The following PCM1 variants were observed in gnomAD, a reference collection of about 807,000 sequenced individuals.
PCM1 encodes pericentriolar material 1.
Under a neutral mutation model 241.9 loss-of-function variants are expected in PCM1, and 157 were observed. The observed-to-expected ratio is 0.65, with a 90% CI of 0.57 to 0.74. The LOEUF is 0.74. PCM1 is among the 30% of genes least tolerant of loss of function. The pLI is 0.00. For synonymous variants in PCM1, 1,085 were observed against 784.9 expected, an observed-to-expected ratio of 1.38 and a Z score of -6.39; for missense variants, 3,478 against 2,360.1, an observed-to-expected ratio of 1.47 and a Z score of -9.81.
At chr8:17,926,526 C>G (rs1048498368) in intron 2 of PCM1, 1 of 152,142 alleles carries the variant, frequency 6.6e-6, no homozygotes. Context: ...TGTAGTATAT[C>G]TTAATAGTGA....
At chr8:17,995,458 T>C (rs950195905) in intron 29 of PCM1, among the ~76,000 whole-genome samples, 1 of 151,468 alleles carries the variant, frequency 6.6e-6, no homozygotes, top group Non-Finnish European at 1.5e-5. Context: ...CACGCTGTTT[T>C]GGTTACTATA....
At chr8:17,935,769 C>T in intron 3 of PCM1, 63 bp downstream of exon 3, 3 of 801,410 alleles carry the variant, frequency 3.7e-6, no homozygotes, top group Non-Finnish European at 6.5e-6. Context: ...AGTTTTCCCC[C>T]TGACCAAATT....
At position 17,966,402 on chromosome 8, in the gene PCM1, A is replaced by C; in HGVS notation, c.3150A>C (p.Gln1050His). 1 of 1,613,652 alleles carries C rather than the reference A, an allele frequency of 6.2e-7. No homozygotes were observed. The highest frequency in any genetic ancestry group is 8.5e-7 in the Non-Finnish European group (1 of 1,179,594). The change falls in exon 20 of 39, where the codon CAA (glutamine) becomes CAC (histidine). Residue 1050 changes from glutamine to histidine, a missense_variant. Physicochemically the swap from Gln to His is conservative, Grantham distance 24. Coordinates refer to ENST00000325083, the MANE Select transcript of PCM1 (RefSeq NM_006197.4). ...SVMPSNVASP[Q>H]VHFIMHQLNQ... is the part of the protein sequence containing the mutation. ...TGCCCAGCAATGTTGCATCTCCTCA[A>C]GTACACTTCATAATGCACCAGTTGA...
intron 7 of PCM1, among the ~76,000 whole-genome samples, chr8:17,948,220 C>G (rs1482015242): frequency 6.6e-6 from 1 of 151,626 alleles, no homozygotes; most frequent in African/African-American, 2.4e-5. Context: ...CCCACTGGCT[C>G]ACCTGTCTAA....
chr8:17,932,762 A>G (rs71526171), intron 2 of PCM1, among the ~76,000 whole-genome samples: 37 of 152,056 alleles, frequency 2.4e-4, no homozygotes, highest in Non-Finnish European at 4.6e-4. Context: ...CTGTTTTTAA[A>G]AACCATTCAA....
At chr8:18,008,836 C>G (rs2091978808) in intron 30 of PCM1, among the ~76,000 whole-genome samples, 2 of 152,136 alleles carry the variant, frequency 1.3e-5, no homozygotes, top group African/African-American at 4.8e-5. Flanking sequence ...AGAACAAGAA[C>G]AGTGAGGAAA....
chr8:17,945,412 A>G (rs992081869), intron 6 of PCM1, among the ~76,000 whole-genome samples: 2 of 152,150 alleles, frequency 1.3e-5, no homozygotes, highest in African/African-American at 2.4e-5. Flanking sequence ...CAGGTAGGCT[A>G]TTTGTTTCCC....
intron 29 of PCM1, among the ~76,000 whole-genome samples, chr8:18,005,792 C>T (rs2091128468): frequency 6.6e-6 from 1 of 151,716 alleles, no homozygotes; most frequent in Non-Finnish European, 1.5e-5. Context: ...GGGTAGAGGC[C>T]AGGATGATGC....
chr8:18,009,644 T>G lies in PCM1; in HGVS notation c.5060T>G (p.Phe1687Cys). Reference sequence around the variant, plus strand: ...GTGTTGTTCAATGAATTGGCTTTCTTTAAGCTTATGCAAGATTTGGATAAT... The same window carrying G: ...GTGTTGTTCAATGAATTGGCTTTCTGTAAGCTTATGCAAGATTTGGATAAT... ...SEVLFNELAF[F>C]KLMQDLDNNS... The change falls in exon 31 of 39, where the codon TTT becomes TGT. Residue 1687 changes from phenylalanine to cysteine, a missense_variant. Transcript: ENST00000325083. 1 of 1,588,456 alleles carries G rather than the reference T, an allele frequency of 6.3e-7. No individual in the cohort carries two copies. Among genetic ancestry groups the G allele is most frequent in the Non-Finnish European group, 8.6e-7 (1 of 1,167,588 alleles).
At chr8:18,012,887 A>G (rs902058679) in intron 34 of PCM1, among the ~76,000 whole-genome samples, 3 of 151,962 alleles carry the variant, frequency 2.0e-5, no homozygotes, top group African/African-American at 7.3e-5. Context: ...ACTTCTGAAC[A>G]CTTTCTTTTT....
chr8:17,993,524 A>T lies in PCM1; in HGVS notation c.4732A>T (p.Ser1578Cys). Residue 1578 changes from serine (S) to cysteine (C), a missense_variant, in exon 29 of 39, where the codon AGT becomes TGT. Transcript: ENST00000325083. ...IENRSSQQPV[S>C]EVSTIPCPRI... ...AAATCGTAGTTCACAACAACCTGTA[A>T]GTGAAGTTTCTACCATCCCATGTCC... is the stretch of plus-strand genomic sequence containing the variant. 3 of 1,588,014 alleles carry T rather than the reference A, an allele frequency of 1.9e-6. No individual in the cohort carries two copies. The highest frequency in any genetic ancestry group is 2.3e-5 in the South Asian group (2 of 85,782).
At chr8:17,944,111 A>G (rs2063054515) in intron 6 of PCM1, among the ~76,000 whole-genome samples, 1 of 152,164 alleles carries the variant, frequency 6.6e-6, no homozygotes, top group Non-Finnish European at 1.5e-5. Context: ...AAAATTTATA[A>G]GCTTTCTTTG....
At chr8:17,968,816 C>T (rs981595369) in intron 21 of PCM1, among the ~76,000 whole-genome samples, 3 of 149,358 alleles carry the variant, frequency 2.0e-5, no homozygotes, top group African/African-American at 5.0e-5. Context: ...ATTTTCAAGA[C>T]AGTGGCATAA....
In PCM1 at chr8:17,993,473, TA is replaced by T; in HGVS notation, c.4691-5del. The T allele has an allele frequency of 5.2e-6, 8 of 1,540,450 alleles. No individual in the cohort carries two copies. The highest frequency in any genetic ancestry group is 7.0e-6 in the Non-Finnish European group (8 of 1,144,182). On this transcript the variant is annotated splice_polypyrimidine_tract_variant and intron_variant, in intron 28 of 38. Transcript: ENST00000325083. ...TTGTTAGGCTAATGTATTTTCTTTT[TA>T]AAAATTAGAAACTCCCGTTATTGAA...
chr8:18,006,067 C>A, intron 29 of PCM1, 196 bp from the exon 30 acceptor site: 1 of 462,712 alleles, frequency 2.2e-6, no homozygotes, highest in Non-Finnish European at 3.8e-6. Context: ...GTCAAAATTG[C>A]CAAACCTCTC....
intron 13 of PCM1, 34 bp from the exon 14 acceptor site, chr8:17,959,980 T>A (rs765676948): frequency 2.5e-6 from 4 of 1,600,006 alleles, no homozygotes; most frequent in Non-Finnish European, 3.4e-6. Context: ...TCTTGAGGTA[T>A]CAAGATTGTT....
chr8:17,941,401 CTG>C (rs1289789846), intron 6 of PCM1, among the ~76,000 whole-genome samples: 7 of 152,030 alleles, frequency 4.6e-5, no homozygotes, highest in South Asian at 2.1e-4. Context: ...GCTTTAACAA[CTG>C]TGTGGTATGG....
rs1203146590 is a variant in PCM1 at position 17,957,618 on chromosome 8, C to T, written c.1883C>T (p.Ala628Val). ...GATGATGAGGAGGAGGAGGAAGAAG[C>T]AGAAGAGGAGGGAGTCAGTGGAGCT... Reference protein sequence around the residue: ...GEDDEEEEEEAEEEGVSGASL... With the variant: ...GEDDEEEEEEVEEEGVSGASL... Residue 628 changes from alanine (A) to valine (V), a missense_variant, in exon 13 of 39, where the codon GCA (alanine) becomes GTA (valine). Ala to Val is a moderately conservative substitution (Grantham distance 64). Transcript: ENST00000325083. 3 of 1,579,258 alleles carry T rather than the reference C, an allele frequency of 1.9e-6. No individual in the cohort carries two copies.
At chr8:17,963,993 T>C (rs1399474048) in intron 17 of PCM1, among the ~76,000 whole-genome samples, 1 of 152,186 alleles carries the variant, frequency 6.6e-6, no homozygotes, top group East Asian at 1.9e-4. Flanking sequence ...CTGTTCTGGG[T>C]ACTACACGTC....
Sources: allele counts gnomAD v4.1 joint callset (sites outside exome capture counted in the v4.1 genomes callset), GRCh38; gene constraint gnomAD v4.1.1; transcripts MANE v1.5; gene names NCBI Gene and HGNC (gene_info 2026-07-23, HGNC 2026-07-21).